The following PPARGC1A variants were observed in gnomAD, a reference collection of about 807,000 sequenced individuals.
The protein encoded by PPARGC1A is peroxisome proliferator-activated receptor gamma coactivator 1-alpha.
A neutral mutation model predicts 88.7 loss-of-function variants in PPARGC1A; 25 were observed. The observed-to-expected ratio is 0.28, with a 90% CI of 0.21 to 0.39. The LOEUF (loss-of-function observed/expected upper bound fraction) is 0.39. Among genes scored for constraint, PPARGC1A ranks in the 10% least tolerant of loss-of-function variants. The probability of loss-of-function intolerance (pLI) is 1.00; values close to 1 mark genes in which losing one functional copy is unlikely to be tolerated. For missense variants in PPARGC1A, 880 were observed against 968.7 expected, an observed-to-expected ratio of 0.91 and a Z score of 1.22; for synonymous variants, 363 against 355.6, an observed-to-expected ratio of 1.02 and a Z score of -0.24.
the PPARGC1A span, among the ~76,000 whole-genome samples, chr4:23,987,985 C>T: frequency 1.3e-5 from 2 of 151,818 alleles, no homozygotes; most frequent in Admixed American, 6.6e-5. Context: ...GTTCCCTTCC[C>T]TGTGTCCATG....
the PPARGC1A span, among the ~76,000 whole-genome samples, chr4:24,302,485 A>G: frequency 6.6e-6 from 1 of 152,184 alleles, no homozygotes; most frequent in African/African-American, 2.4e-5. Flanking sequence ...AAACCGGGGC[A>G]CTTTGACAGG....
At chr4:23,876,574 G>A (rs577841953) in intron 2 of PPARGC1A, among the ~76,000 whole-genome samples, 59 of 152,180 alleles carry the variant, frequency 3.9e-4, no homozygotes, top group African/African-American at 1.3e-3. Context: ...CTGATTTGGC[G>A]CAGGGAAGGG....
chr4:24,241,429 C>G, the PPARGC1A span, among the ~76,000 whole-genome samples: 1 of 152,126 alleles, frequency 6.6e-6, no homozygotes, highest in Admixed American at 6.5e-5. Context: ...CCAGTTGTTC[C>G]AAGCAAATAT....
chr4:24,383,322 C>T, the PPARGC1A span, among the ~76,000 whole-genome samples: 3 of 152,218 alleles, frequency 2.0e-5, no homozygotes, highest in African/African-American at 7.2e-5. Flanking sequence ...TCTTCTCCTT[C>T]GAAGGATCAA....
chr4:24,188,417 C>T, the PPARGC1A span, among the ~76,000 whole-genome samples: 2 of 152,092 alleles, frequency 1.3e-5, no homozygotes, highest in East Asian at 1.9e-4. Context: ...TCTTAAGGAA[C>T]CCCTAGGCAC....
the PPARGC1A span, among the ~76,000 whole-genome samples, chr4:23,931,676 C>T: frequency 6.6e-6 from 1 of 152,130 alleles, no homozygotes; most frequent in Non-Finnish European, 1.5e-5. Flanking sequence ...ACACCTCTCT[C>T]TAAGCTTTAT....
At chr4:24,052,306 G>T in the PPARGC1A span, among the ~76,000 whole-genome samples, 3 of 152,142 alleles carry the variant, frequency 2.0e-5, no homozygotes, top group Admixed American at 1.3e-4. Flanking sequence ...TGATGGGGAT[G>T]ACATGGCCTC....
At chr4:24,240,155 A>T in the PPARGC1A span, among the ~76,000 whole-genome samples, 1 of 152,206 alleles carries the variant, frequency 6.6e-6, no homozygotes, top group Non-Finnish European at 1.5e-5. Flanking sequence ...TTTTCTGGAA[A>T]GGTATGTCTT....
the PPARGC1A span, among the ~76,000 whole-genome samples, chr4:23,913,348 A>G: frequency 6.7e-6 from 1 of 149,568 alleles, no homozygotes; most frequent in Non-Finnish European, 1.5e-5. Context: ...TAACTGATAT[A>G]TCTTCCAACT....
the PPARGC1A span, among the ~76,000 whole-genome samples, chr4:24,188,423 G>A: frequency 6.6e-6 from 1 of 152,058 alleles, no homozygotes; most frequent in Non-Finnish European, 1.5e-5. Flanking sequence ...GGAACCCCTA[G>A]GCACATTATG....
intron 2 of PPARGC1A, among the ~76,000 whole-genome samples, chr4:23,852,569 AC>A (rs1729490770): frequency 6.6e-6 from 1 of 151,102 alleles, no homozygotes; most frequent in East Asian, 1.9e-4. Flanking sequence ...TTAAAAATCC[AC>A]CCTCCCCCAT....
At chr4:24,459,722 T>C in the PPARGC1A span, among the ~76,000 whole-genome samples, 1 of 152,154 alleles carries the variant, frequency 6.6e-6, no homozygotes, top group East Asian at 1.9e-4. Flanking sequence ...CCCCAAGAGA[T>C]TCAATCTGCA....
the PPARGC1A span, among the ~76,000 whole-genome samples, chr4:23,937,611 C>G: frequency 6.6e-6 from 1 of 151,982 alleles, no homozygotes. Flanking sequence ...TTAAAATAAG[C>G]AAAATTTCTG....
At chr4:24,287,125 T>C in the PPARGC1A span, among the ~76,000 whole-genome samples, 3 of 152,000 alleles carry the variant, frequency 2.0e-5, no homozygotes, top group African/African-American at 7.3e-5. Context: ...AGGGCTGTCC[T>C]GTGCATTATA....
At chr4:24,427,274 C>A in the PPARGC1A span, among the ~76,000 whole-genome samples, 274 of 148,100 alleles carry the variant, frequency 1.9e-3, no homozygotes, top group Middle Eastern at 7.0e-3. Context: ...TGCATCTATT[C>A]TTTATTTATT....
chr4:23,960,727 C>G, the PPARGC1A span, among the ~76,000 whole-genome samples: 1 of 152,134 alleles, frequency 6.6e-6, no homozygotes, highest in Non-Finnish European at 1.5e-5. Context: ...AATTAGCTCT[C>G]TTATTTCTAC....
chr4:24,105,383 T>C, the PPARGC1A span, among the ~76,000 whole-genome samples: 1 of 152,206 alleles, frequency 6.6e-6, no homozygotes, highest in East Asian at 1.9e-4. Context: ...GGTGAAAAGC[T>C]AGGGGGAGGT....
the PPARGC1A span, among the ~76,000 whole-genome samples, chr4:23,943,960 A>G: frequency 3.3e-5 from 5 of 152,168 alleles, no homozygotes; most frequent in Non-Finnish European, 7.4e-5. Flanking sequence ...AAAAACAAGG[A>G]AAGTCTGATA....
At chr4:24,174,973 C>T in the PPARGC1A span, among the ~76,000 whole-genome samples, 51,948 of 152,014 alleles carry the variant, frequency 0.34, 10,041 homozygotes, top group African/African-American at 0.51. Context: ...AAGTGTTTAT[C>T]TTCTCTGGTA....
Sources: allele counts gnomAD v4.1 joint callset (sites outside exome capture counted in the v4.1 genomes callset), GRCh38; gene constraint gnomAD v4.1.1; transcripts MANE v1.5; gene names NCBI Gene and HGNC (gene_info 2026-07-23, HGNC 2026-07-21).